The following SMAD2 variants were observed in gnomAD, a reference collection of about 807,000 sequenced individuals.
SMAD2 encodes the protein SMAD family member 2, also known as MAD homolog 2.
SMAD2 carries 8 observed loss-of-function variants against 64.4 expected under a neutral mutation model. The ratio of observed to expected loss-of-function variants is 0.12; its 90% CI spans 0.07 to 0.22. The LOEUF (loss-of-function observed/expected upper bound fraction) is 0.22. SMAD2 is among the 10% of genes least tolerant of loss of function. SMAD2 has a pLI of 1.00. For missense variants in SMAD2, 289 were observed against 561.2 expected (o/e 0.51, Z 4.90); for synonymous variants, 203 against 195.8 (o/e 1.04, Z -0.31).
chr18:47,885,023 C>T (rs1024533180), intron 2 of SMAD2, among the ~76,000 whole-genome samples: 1 of 151,854 alleles, frequency 6.6e-6, no homozygotes, highest in Non-Finnish European at 1.5e-5. Context: ...TATTTCAAGC[C>T]CTTCCAAATA....
At chr18:47,857,412 A>G (rs1187913523) in intron 6 of SMAD2, among the ~76,000 whole-genome samples, 2 of 152,196 alleles carry the variant, frequency 1.3e-5, no homozygotes, top group Non-Finnish European at 2.9e-5. Context: ...TGAGAGCATA[A>G]TTCTGTTCAT....
intron 2 of SMAD2, 87 bp from the exon 3 acceptor site, chr18:47,870,651 A>G: frequency 1.1e-6 from 1 of 876,674 alleles, no homozygotes; most frequent in South Asian, 1.3e-5. Context: ...TGGAGAATGT[A>G]CAGAATACTT....
intron 1 of SMAD2, among the ~76,000 whole-genome samples, chr18:47,902,881 A>C (rs143508893): frequency 3.7e-4 from 56 of 152,266 alleles, no homozygotes; most frequent in Non-Finnish European, 6.3e-4. Context: ...CCATAAATGA[A>C]AGAAAGAAGA....
chr18:47,848,369 G>C, intron 8 of SMAD2, 106 bp downstream of exon 8: 1 of 845,028 alleles, frequency 1.2e-6, no homozygotes, highest in South Asian at 1.4e-5. Flanking sequence ...CCACCAGAGA[G>C]AAAGCTGGTT....
intron 1 of SMAD2, among the ~76,000 whole-genome samples, chr18:47,898,661 AT>A (rs36091117): frequency 6.7e-4 from 101 of 150,690 alleles, no homozygotes; most frequent in Middle Eastern, 3.5e-3. Flanking sequence ...TGGAAGAATA[AT>A]TTTTTTTTTT....
At chr18:47,911,404 G>A (rs987960228) in intron 1 of SMAD2, among the ~76,000 whole-genome samples, 1 of 149,576 alleles carries the variant, frequency 6.7e-6, no homozygotes, top group African/African-American at 2.5e-5. Context: ...TCATACTCAC[G>A]CCCCTCGAAA....
intron 1 of SMAD2, among the ~76,000 whole-genome samples, chr18:47,925,294 G>A (rs972458318): frequency 2.6e-5 from 4 of 152,120 alleles, no homozygotes; most frequent in East Asian, 1.9e-4. Flanking sequence ...AATTAATCAC[G>A]TCAGAATTTC....
chr18:47,873,553 A>G (rs1419014370), intron 2 of SMAD2, among the ~76,000 whole-genome samples: 1 of 152,216 alleles, frequency 6.6e-6, no homozygotes, highest in African/African-American at 2.4e-5. Context: ...TAAATTCTCA[A>G]TAATTAAAAC....
At chr18:47,911,243 C>T (rs528939698) in intron 1 of SMAD2, among the ~76,000 whole-genome samples, 6 of 151,418 alleles carry the variant, frequency 4.0e-5, no homozygotes, top group African/African-American at 9.7e-5. Context: ...CCCAACTACT[C>T]GTGAGGCTGA....
chr18:47,896,010 C>T (rs1367591164), intron 2 of SMAD2, among the ~76,000 whole-genome samples: 3 of 152,214 alleles, frequency 2.0e-5, no homozygotes, highest in Non-Finnish European at 4.4e-5. Flanking sequence ...AACAGGTCCT[C>T]CTAACCTAAG....
intron 2 of SMAD2, among the ~76,000 whole-genome samples, chr18:47,892,435 G>C (rs954975718): frequency 6.6e-6 from 1 of 152,092 alleles, no homozygotes; most frequent in Non-Finnish European, 1.5e-5. Context: ...CCTGACCTCA[G>C]GTGATCTGCC....
intron 1 of SMAD2, among the ~76,000 whole-genome samples, chr18:47,919,575 G>C (rs971091493): frequency 6.6e-6 from 1 of 151,816 alleles, no homozygotes; most frequent in Admixed American, 6.6e-5. Flanking sequence ...TAATATGCTA[G>C]TGAGGGGGAA....
rs1282121293 is a variant in SMAD2, at chr18:47,810,145, G to A, written c.*31682C>T. ...GAAGATACCACAGCCCAGGTAGCCA[G>A]CCTGGGAAATGGTTTCTCATACTGC... On this transcript the variant is annotated 3_prime_UTR_variant, in exon 11 of 11. Transcript: ENST00000262160. The A allele has an allele frequency of 2.0e-5, 3 of 152,196 alleles. No homozygotes were observed. The highest frequency in any genetic ancestry group is 2.9e-5 in the Non-Finnish European group (2 of 68,042). The allele number at this position is 152,196 out of a possible 1,614,324, so 9.4% of individuals were successfully genotyped here. A position where few individuals can be genotyped will look rare whatever the true frequency, so the allele number is the denominator to read the frequency against.
intron 2 of SMAD2, among the ~76,000 whole-genome samples, chr18:47,876,891 T>A (rs2032294762): frequency 6.6e-6 from 1 of 152,036 alleles, no homozygotes; most frequent in East Asian, 1.9e-4. Context: ...ATTTACTACT[T>A]TTTTTGCGTT....
At chr18:47,843,308 G>C (rs1420895269) in intron 10 of SMAD2, among the ~76,000 whole-genome samples, 1 of 152,104 alleles carries the variant, frequency 6.6e-6, no homozygotes, top group Non-Finnish European at 1.5e-5. Flanking sequence ...GTTTCCTAGA[G>C]TTTCCCCAAG....
rs1261749215 is a variant in SMAD2 at position 47,829,890 on chromosome 18, T to C, written c.*11937A>G. The C allele has an allele frequency of 6.6e-6, 1 of 152,062 alleles. No homozygotes were observed. Among genetic ancestry groups the C allele is most frequent in the East Asian group, 1.9e-4 (1 of 5,196 alleles). 9.4% of individuals were successfully genotyped at this position (152,062 alleles called of 1,614,324 possible). On this transcript the variant is annotated 3_prime_UTR_variant, in exon 11 of 11. Transcript: ENST00000262160. ...TAAGCTAACAACCAAACTTTCAGAGTATAAAATTTTGTCAGTGGTTTTCAT... is the reference window on the plus strand; with the variant it reads ...TAAGCTAACAACCAAACTTTCAGAGCATAAAATTTTGTCAGTGGTTTTCAT...
intron 1 of SMAD2, among the ~76,000 whole-genome samples, chr18:47,925,901 AACAG>A (rs2037320972): frequency 6.6e-6 from 1 of 152,242 alleles, no homozygotes; most frequent in African/African-American, 2.4e-5. Flanking sequence ...AGAAACCCTC[AACAG>A]AGAGACTGGC....
chr18:47,856,438 C>T (rs1043189666), intron 6 of SMAD2, among the ~76,000 whole-genome samples: 8 of 152,096 alleles, frequency 5.3e-5, no homozygotes, highest in African/African-American at 1.7e-4. Flanking sequence ...TGTTATATAC[C>T]TTAAACATAT....
In SMAD2 at chr18:47,829,424, A is replaced by G. The variant is rs1912900639; in HGVS notation, c.*12403T>C. 1.3e-5 allele frequency: 2 copies of G among 152,124 alleles called. No homozygotes were observed. Among genetic ancestry groups the G allele is most frequent in the African/African-American group, 4.8e-5 (2 of 41,436 alleles). 9.4% of individuals were successfully genotyped at this position (152,124 alleles called of 1,614,324 possible). A position where few individuals can be genotyped will look rare whatever the true frequency, so the allele number is the denominator to read the frequency against. ...AAAAAAAAGCACATCCACTTTTACA[A>G]TGGTCACATACAAATGGGGAAAGAG... is the stretch of plus-strand genomic sequence containing the variant. On this transcript the variant is annotated 3_prime_UTR_variant, in exon 11 of 11. Coordinates refer to ENST00000262160, the MANE Select transcript of SMAD2 (RefSeq NM_005901.6).
Sources: allele counts gnomAD v4.1 joint callset (sites outside exome capture counted in the v4.1 genomes callset), GRCh38; gene constraint gnomAD v4.1.1; transcripts MANE v1.5; gene names NCBI Gene and HGNC (gene_info 2026-07-23, HGNC 2026-07-21).